Variants in ADCY7 observed in about 807,000 individuals in gnomAD.
The protein encoded by ADCY7 is adenylate cyclase 7.
Under a neutral mutation model 120.6 loss-of-function variants are expected in ADCY7, and 72 were observed. The ratio of observed to expected loss-of-function variants is 0.60; its 90% CI spans 0.49 to 0.73. ADCY7 has a LOEUF of 0.73. ADCY7 is among the 30% of genes least tolerant of loss of function. The probability of loss-of-function intolerance (pLI) is 0.00; values close to 1 mark genes in which losing one functional copy is unlikely to be tolerated. For synonymous variants in ADCY7, 661 were observed against 628.0 expected, an observed-to-expected ratio of 1.05 and a Z score of -0.78; for missense variants, 1,227 against 1,486.0, an observed-to-expected ratio of 0.83 and a Z score of 2.87.
chr16:50,278,185 A>G (rs777950136), intron 1 of ADCY7, among the ~76,000 whole-genome samples: 3 of 152,012 alleles, frequency 2.0e-5, no homozygotes, highest in Non-Finnish European at 4.4e-5. Flanking sequence ...GATTATAAGC[A>G]TGCACCTCCA....
At chr16:50,267,013 G>A (rs1049872171) in intron 1 of ADCY7, among the ~76,000 whole-genome samples, 3 of 152,214 alleles carry the variant, frequency 2.0e-5, no homozygotes, top group African/African-American at 4.8e-5. Flanking sequence ...ACTCCTTCTC[G>A]AGGGTGTAAT....
intron 1 of ADCY7, among the ~76,000 whole-genome samples, chr16:50,270,633 G>C (rs2033506608): frequency 6.6e-6 from 1 of 152,204 alleles, no homozygotes; most frequent in South Asian, 2.1e-4. Flanking sequence ...TTGGGTGGGA[G>C]ATTGGACCTC....
intron 1 of ADCY7, among the ~76,000 whole-genome samples, chr16:50,286,958 G>A (rs960937846): frequency 1.3e-5 from 2 of 151,896 alleles, no homozygotes; most frequent in African/African-American, 4.8e-5. Flanking sequence ...TGTGATGATA[G>A]ACATTCTCTG....
At chr16:50,275,048 C>T (rs1330739359) in intron 1 of ADCY7, among the ~76,000 whole-genome samples, 1 of 152,194 alleles carries the variant, frequency 6.6e-6, no homozygotes, top group African/African-American at 2.4e-5. Context: ...GACAGGAGCC[C>T]TTTGCCGGGT....
intron 23 of ADCY7, 92 bp downstream of exon 23, chr16:50,314,154 T>G (rs1191242290): frequency 1.5e-5 from 21 of 1,433,370 alleles, no homozygotes; most frequent in Non-Finnish European, 2.0e-5. Flanking sequence ...TATCTCGTCC[T>G]GGGGGAGGGG....
chr16:50,290,610 T>C lies in ADCY7; in HGVS notation c.325T>C (p.Tyr109His), dbSNP rs757487415. Residue 109 changes from tyrosine to histidine, a missense_variant, in exon 3 of 26, where the codon TAT becomes CAT. Transcript: ENST00000673801. ...LTWACLVALG[Y>H]VLVFDAWTKA... ...CTGGGCCTGCTTGGTGGCGCTGGGCTATGTGCTGGTGTTCGACGCATGGAC... is the reference window on the plus strand; with the variant it reads ...CTGGGCCTGCTTGGTGGCGCTGGGCCATGTGCTGGTGTTCGACGCATGGAC... 27 of 1,614,020 alleles carry C rather than the reference T, an allele frequency of 1.7e-5. 1 individual carries two copies. The Admixed American group carries it at 2.3e-4, about 14-fold the overall frequency.
chr16:50,293,313 G>A (rs377557531), intron 5 of ADCY7, 41 bp from the exon 6 acceptor site: 117 of 1,598,138 alleles, frequency 7.3e-5, no homozygotes, highest in Admixed American at 1.3e-4. Context: ...TCCGCCGGTC[G>A]CTTTGCTGGT....
intron 1 of ADCY7, among the ~76,000 whole-genome samples, chr16:50,279,366 G>C (rs1304042353): frequency 6.6e-6 from 1 of 152,210 alleles, no homozygotes; most frequent in Non-Finnish European, 1.5e-5. Context: ...AGGGAAAAGG[G>C]ATCAGAAATC....
chr16:50,315,601 C>A lies in ADCY7; in HGVS notation c.*96C>A. ...CTCCGCCCCACGCCAATCCCAAAGG[C>A]ATGCAGATGGCTGTGCATGTTGGCT... On this transcript the variant is annotated 3_prime_UTR_variant, in exon 26 of 26. Transcript: ENST00000673801. 1.4e-6 allele frequency: 2 copies of A among 1,464,592 alleles called. No individual in the cohort carries two copies. Among genetic ancestry groups the A allele is most frequent in the South Asian group, 1.3e-5 (1 of 79,762 alleles). The allele number at this position is 1,464,592 out of a possible 1,614,324, so 90.7% of individuals were successfully genotyped here.
Position 50,315,775 on chromosome 16 carries a change from C to T in ADCY7, c.*270C>T, listed in dbSNP as rs933100739. ...GCCAGCTGGAGAATGTTCACTGGTT[C>T]GGGGCTGACTTTGAGATCTTTGTTC... On this transcript the variant is annotated 3_prime_UTR_variant, in exon 26 of 26. Coordinates refer to ENST00000673801, the MANE Select transcript of ADCY7 (RefSeq NM_001114.5). 2.7e-5 allele frequency: 10 copies of T among 371,872 alleles called. No homozygotes were observed. Among genetic ancestry groups the T allele is most frequent in the African/African-American group, 1.4e-4 (7 of 49,382 alleles). The allele number at this position is 371,872 out of a possible 1,614,324, so 23.0% of individuals were successfully genotyped here.
rs370755283 is a variant in ADCY7 at position 50,309,658 on chromosome 16, G to A, written c.2160+12G>A. ...GTGAGCCCCTCCCGGTGAGTGCGCC[G>A]GGCCCGGCTCCGTGGCCTCATTCAG... On this transcript the variant is annotated intron_variant, in intron 18 of 25. Transcript: ENST00000673801. 114 of 1,605,328 alleles carry A rather than the reference G, an allele frequency of 7.1e-5. No homozygotes were observed. In the African/African-American group the frequency reaches 1.0e-3, roughly 15 times the overall value.
At chr16:50,269,513 C>T (rs1243538279) in intron 1 of ADCY7, among the ~76,000 whole-genome samples, 1 of 152,160 alleles carries the variant, frequency 6.6e-6, no homozygotes, top group East Asian at 1.9e-4. Flanking sequence ...AGGCCTTCTG[C>T]GTGGCTGGGC....
intron 1 of ADCY7, among the ~76,000 whole-genome samples, chr16:50,275,413 C>T (rs1373816685): frequency 6.6e-6 from 1 of 152,180 alleles, no homozygotes; most frequent in East Asian, 1.9e-4. Flanking sequence ...AGGGAGCCTT[C>T]TTAGGGGAGG....
At chr16:50,298,039 G>A (rs558432121) in intron 7 of ADCY7, among the ~76,000 whole-genome samples, 57 of 152,110 alleles carry the variant, frequency 3.7e-4, no homozygotes, top group Non-Finnish European at 5.1e-4. Context: ...GCTCTCGGGG[G>A]TCCCCTTCTC....
chr16:50,313,335 G>T (rs148949889), intron 22 of ADCY7: 1 of 298,838 alleles, frequency 3.3e-6, no homozygotes, highest in South Asian at 3.3e-5. Flanking sequence ...CAGGAGAATC[G>T]CTTGAACCTG....
At chr16:50,306,702 G>A (rs533764539) in intron 14 of ADCY7, among the ~76,000 whole-genome samples, 36 of 152,312 alleles carry the variant, frequency 2.4e-4, no homozygotes, top group African/African-American at 8.2e-4. Flanking sequence ...ACCTTGGAAA[G>A]AGAGAGACGG....
At chr16:50,261,553 C>T (rs949719519), upstream of ADCY7, among the ~76,000 whole-genome samples, 5 of 152,136 alleles carry the variant, frequency 3.3e-5, no homozygotes, top group Non-Finnish European at 5.9e-5. Flanking sequence ...GGGTTTAGAG[C>T]GGGGAGAACG....
chr16:50,308,994 T>A, intron 17 of ADCY7: 2 of 549,036 alleles, frequency 3.6e-6, no homozygotes. Context: ...CCAGAGAGCT[T>A]GTGTGGCCAG....
At chr16:50,315,229 A>G (rs2036741831) in intron 25 of ADCY7, 91 bp downstream of exon 25, 10 of 1,577,258 alleles carry the variant, frequency 6.3e-6, no homozygotes, top group Non-Finnish European at 8.6e-6. Context: ...TGTCTCACCC[A>G]GCAGCCATGG....
Sources: gnomAD v4.1 joint callset for allele counts (sites outside exome capture counted in the v4.1 genomes callset) on GRCh38, gnomAD v4.1.1 for gene constraint, MANE v1.5 for transcripts, NCBI Gene and HGNC (gene_info 2026-07-23, HGNC 2026-07-21) for gene names.